KIZ: variants seen among roughly 807,000 people sequenced by gnomAD.
The protein encoded by KIZ is centrosomal protein kizuna.
In KIZ, 68 loss-of-function variants were observed where a neutral mutation model predicts 79.6. The ratio of observed to expected loss-of-function variants is 0.85; its 90% confidence interval spans 0.70 to 1.05. The LOEUF (loss-of-function observed/expected upper bound fraction) is 1.05, where lower values mean the gene tolerates loss of function less well. Ranked by LOEUF, KIZ falls within the 50% of genes least tolerant of loss-of-function variation. The probability of loss-of-function intolerance (pLI) is 0.00; values close to 1 mark genes in which losing one functional copy is unlikely to be tolerated. For synonymous variants in KIZ, 280 were observed against 281.8 expected (o/e 0.99, Z 0.06); for missense variants, 797 against 800.4 (o/e 1.00, Z 0.05).
intron 3 of KIZ, among the ~76,000 whole-genome samples, chr20:21,140,138 C>T (rs1274519900): frequency 6.6e-6 from 1 of 152,202 alleles, no homozygotes; most frequent in Non-Finnish European, 1.5e-5. Context: ...CTTTCTGCTT[C>T]TTCCTTTTGG....
intron 2 of KIZ, among the ~76,000 whole-genome samples, chr20:21,134,551 T>A (rs1037687189): frequency 9.8e-5 from 15 of 152,332 alleles, no homozygotes; most frequent in Middle Eastern, 3.4e-3. Flanking sequence ...TTTTTCCTAT[T>A]TTTTGCCGTC....
intron 5 of KIZ, 55 bp from the exon 6 acceptor site, chr20:21,162,795 C>T: frequency 1.4e-6 from 2 of 1,411,412 alleles, no homozygotes; most frequent in Non-Finnish European, 2.0e-6. Context: ...CTGTGTGTTA[C>T]CTTGCTTCCT....
intron 9 of KIZ, among the ~76,000 whole-genome samples, chr20:21,225,413 G>A (rs910276072): frequency 2.0e-5 from 3 of 152,122 alleles, no homozygotes; most frequent in Non-Finnish European, 2.9e-5. Context: ...CTTTACTAAT[G>A]GGGGGAAGTG....
intron 7 of KIZ, among the ~76,000 whole-genome samples, chr20:21,206,797 C>T (rs926277630): frequency 6.6e-6 from 1 of 152,088 alleles, no homozygotes; most frequent in Non-Finnish European, 1.5e-5. Flanking sequence ...TGCCCTGGTT[C>T]AGGCAAGAGG....
Position 21,172,659 on chromosome 20 carries a change from G to A in KIZ, c.1352+9500G>A, listed in dbSNP as rs953283973. 2.6e-5 allele frequency among the ~76,000 whole-genome samples: 4 copies of A among 152,088 alleles called. No homozygotes were observed. The South Asian group carries it at 8.3e-4, about 31-fold the overall frequency. On this transcript the variant is annotated intron_variant, in intron 6 of 12. Transcript: ENST00000619189. The stretch of plus-strand genomic sequence containing the variant: ...TTAAGTAGATAGAGAAGGCATGGGT[G>A]CAGTTTAATACAAGATATAAGATAG...
intron 6 of KIZ, chr20:21,196,149 T>C (rs2035334382): frequency 6.6e-6 from 1 of 152,210 alleles, no homozygotes; most frequent in Non-Finnish European, 1.5e-5. Flanking sequence ...CTGTATTCTT[T>C]CCAGAGTTTC....
chr20:21,203,762 G>T (rs1218444862), intron 6 of KIZ, among the ~76,000 whole-genome samples: 1 of 151,832 alleles, frequency 6.6e-6, no homozygotes, highest in Non-Finnish European at 1.5e-5. Context: ...GCCTCCAAAG[G>T]TTTTAAAATT....
At chr20:21,156,940 G>T (rs1400217997) in intron 4 of KIZ, among the ~76,000 whole-genome samples, 1 of 152,122 alleles carries the variant, frequency 6.6e-6, no homozygotes, top group African/African-American at 2.4e-5. Flanking sequence ...TATTATTTTT[G>T]CAATGTTTCT....
At chr20:21,227,861 G>A (rs1324711124) in intron 9 of KIZ, among the ~76,000 whole-genome samples, 1 of 152,134 alleles carries the variant, frequency 6.6e-6, no homozygotes, top group African/African-American at 2.4e-5. Context: ...ACTAGTTTCA[G>A]CGACCTAAAC....
intron 6 of KIZ, among the ~76,000 whole-genome samples, chr20:21,183,320 A>G (rs898065172): frequency 4.6e-5 from 7 of 152,200 alleles, no homozygotes; most frequent in African/African-American, 1.7e-4. Context: ...TGGTTGCACA[A>G]CTCTGAGTAT....
chr20:21,205,636 G>A (rs2035791251), intron 7 of KIZ, 52 bp downstream of exon 7: 1 of 760,016 alleles, frequency 1.3e-6, no homozygotes, highest in Admixed American at 2.9e-5. Context: ...TGGACCACAG[G>A]GTAAGGTTAG....
At chr20:21,228,971 T>TA (rs748525706) in intron 9 of KIZ, 40 bp from the exon 10 acceptor site, 4 of 1,149,328 alleles carry the variant, frequency 3.5e-6, no homozygotes, top group East Asian at 2.4e-5. Context: ...TTCTGGCCAG[T>TA]AAAAAATGTA....
At chr20:21,215,693 T>G (rs1184614776) in intron 9 of KIZ, 45 bp downstream of exon 9, 1 of 1,331,762 alleles carries the variant, frequency 7.5e-7, no homozygotes, top group African/African-American at 1.4e-5. Flanking sequence ...AGATTTAGCA[T>G]TATTATATAA....
chr20:21,131,482 C>T (rs186130801), intron 1 of KIZ, among the ~76,000 whole-genome samples: 1 of 152,304 alleles, frequency 6.6e-6, no homozygotes, highest in African/African-American at 2.4e-5. Context: ...CTATCTCATC[C>T]ACTTGGCTGT....
chr20:21,229,231 C>CA, intron 10 of KIZ, 116 bp downstream of exon 10: 1 of 635,290 alleles, frequency 1.6e-6, no homozygotes, highest in South Asian at 2.0e-5. Context: ...AACGAGCTGT[C>CA]ACCAGGACAG....
At chr20:21,246,405 C>T in intron 12 of KIZ, 74 bp from the exon 13 acceptor site, 1 of 876,332 alleles carries the variant, frequency 1.1e-6, no homozygotes, top group Non-Finnish European at 1.9e-6. Flanking sequence ...ACCAGTCCTT[C>T]CGTGCTGTGC....
chr20:21,204,755 A>G (rs2035745852), intron 6 of KIZ, among the ~76,000 whole-genome samples: 1 of 152,232 alleles, frequency 6.6e-6, no homozygotes, highest in Middle Eastern at 3.2e-3. Context: ...TAAATACCAC[A>G]GCCTGAGCAG....
At chr20:21,209,580 A>G (rs559140947) in intron 7 of KIZ, among the ~76,000 whole-genome samples, 1 of 61,346 alleles carries the variant, frequency 1.6e-5, no homozygotes, top group South Asian at 3.4e-4. Flanking sequence ...TTCTCATTTA[A>G]AAAAAAAATT....
chr20:21,217,888 A>C (rs1235979573), intron 9 of KIZ, among the ~76,000 whole-genome samples: 1 of 152,184 alleles, frequency 6.6e-6, no homozygotes, highest in Non-Finnish European at 1.5e-5. Context: ...GAAGAACATA[A>C]GTAGAGAGAA....
Sources: allele counts gnomAD v4.1 joint callset (sites outside exome capture counted in the v4.1 genomes callset), GRCh38; gene constraint gnomAD v4.1.1; transcripts MANE v1.5; gene names NCBI Gene and HGNC (gene_info 2026-07-23, HGNC 2026-07-21).